PLA2G4D: variants seen among roughly 807,000 people sequenced by gnomAD.
The protein encoded by PLA2G4D is phospholipase A2 group IVD.
A neutral mutation model predicts 94.4 loss-of-function variants in PLA2G4D; 80 were observed. That is an observed-to-expected ratio of 0.85 (90% CI 0.71 to 1.02). PLA2G4D has a LOEUF of 1.02. Among genes scored for constraint, PLA2G4D ranks in the 50% least tolerant of loss-of-function variants. The pLI, the probability that PLA2G4D is intolerant of heterozygous loss-of-function variation, is 0.00. For synonymous variants in PLA2G4D, 438 were observed against 440.9 expected (o/e 0.99, Z 0.08); for missense variants, 1,050 against 1,034.7 (o/e 1.01, Z -0.20).
Position 42,083,457 on chromosome 15 carries a change from C to A in PLA2G4D, c.536-123G>T, listed in dbSNP as rs1398554657. On this transcript the variant is annotated intron_variant, in intron 7 of 19. Coordinates refer to ENST00000290472, the MANE Select transcript of PLA2G4D (RefSeq NM_178034.4). ...TGGGAGGCTGGGCCATCGTCAACAGCATTCTGAAAAGGGCCCTTCCCAGCC... is the reference window on the plus strand; with the variant it reads ...TGGGAGGCTGGGCCATCGTCAACAGAATTCTGAAAAGGGCCCTTCCCAGCC... The A allele has an allele frequency of 4.2e-6, 6 of 1,428,226 alleles. No individual in the cohort carries two copies. The Admixed American group carries it at 1.3e-4, about 31-fold the overall frequency. 88.5% of individuals were successfully genotyped at this position (1,428,226 alleles called of 1,614,324 possible).
Position 42,082,409 on chromosome 15 carries a change from C to CATTG in PLA2G4D, c.673-21_673-20insCAAT. 1.9e-6 allele frequency: 3 copies of CATTG among 1,541,900 alleles called. No homozygotes were observed. Among genetic ancestry groups the CATTG allele is most frequent in the Non-Finnish European group, 2.7e-6 (3 of 1,115,810 alleles). On this transcript the variant is annotated intron_variant, in intron 8 of 19. Transcript: ENST00000290472. ...GGAGCTCTGAAGGGAAAGCATCATT[C>CATTG]ATTCATTCATTCATTCATTCAACAA... is the stretch of plus-strand genomic sequence containing the variant.
At chr15:42,074,403 C>T (rs1036068888) in intron 13 of PLA2G4D, among the ~76,000 whole-genome samples, 7 of 152,094 alleles carry the variant, frequency 4.6e-5, no homozygotes, top group Non-Finnish European at 1.0e-4. Flanking sequence ...CAGCTCTTAA[C>T]TCAGGAAAGG....
Position 42,086,207 on chromosome 15 carries a change from A to T in PLA2G4D, c.387+6T>A. 4.5e-6 allele frequency: 1 copy of T among 220,602 alleles called. No individual in the cohort carries two copies. 13.7% of individuals were successfully genotyped at this position (220,602 alleles called of 1,614,324 possible). Reference sequence around the variant, plus strand: ...CCCACGGGGACTTCCCCACCCACCCACCCACCTGGGGACTCTGGGAGAAGG... The same window carrying T: ...CCCACGGGGACTTCCCCACCCACCCTCCCACCTGGGGACTCTGGGAGAAGG... On this transcript the variant is annotated splice_donor_region_variant and intron_variant, in intron 4 of 19. Transcript: ENST00000290472.
rs1276191715 is a variant in PLA2G4D at position 42,084,481 on chromosome 15, G to A, written c.471+615C>T. Among the ~76,000 whole-genome samples, 14 of 152,308 alleles carry A rather than the reference G, an allele frequency of 9.2e-5. No homozygotes were observed. The East Asian group carries it at 2.3e-3, about 25-fold the overall frequency. On this transcript the variant is annotated intron_variant, in intron 6 of 19. Coordinates refer to ENST00000290472, the MANE Select transcript of PLA2G4D (RefSeq NM_178034.4). This position sits in a 1 kb window ranked among gnomAD's most constrained non-coding sequence, Gnocchi z 4.8. ...TGCTGGGCTCTAGGTGCCTTCGCCC[G>A]TGACCCTGGACCCGCCTGCTCCCAG...
At position 42,069,952 on chromosome 15, in the gene PLA2G4D, G is replaced by T; in HGVS notation, c.2187C>A (p.His729Gln). The T allele has an allele frequency of 6.8e-7, 1 of 1,460,006 alleles. No individual in the cohort carries two copies. Among genetic ancestry groups the T allele is most frequent in the Non-Finnish European group, 9.0e-7 (1 of 1,109,144 alleles). 90.4% of individuals were successfully genotyped at this position (1,460,006 alleles called of 1,614,324 possible). Residue 729 changes from histidine to glutamine, a missense_variant, in exon 19 of 20, where the codon CAC becomes CAA. By Grantham distance (24) the His-to-Gln change is conservative. Transcript: ENST00000290472. ...PACPEAPILL[H>Q]FPLVNASFKD... ...TGAAGGAGGCATTGACCAGCGGGAA[G>T]TGCAGCAGGATCGGGGCCTCGGGGC...
intron 7 of PLA2G4D, 147 bp downstream of exon 7, chr15:42,083,569 G>T: frequency 9.0e-7 from 1 of 1,107,962 alleles, no homozygotes; most frequent in Non-Finnish European, 1.3e-6. Context: ...GCCCAGCGGA[G>T]ATGCGTGGCC....
intron 1 of PLA2G4D, among the ~76,000 whole-genome samples, chr15:42,093,556 G>A (rs540275211): frequency 9.2e-5 from 14 of 152,272 alleles, no homozygotes; most frequent in African/African-American, 2.4e-4. Flanking sequence ...CTCGTGGGTG[G>A]ATCCACCTGA....
At chr15:42,079,857 T>C in intron 12 of PLA2G4D, 98 bp from the exon 13 acceptor site, 1 of 1,193,380 alleles carries the variant, frequency 8.4e-7, no homozygotes, top group South Asian at 1.4e-5. Context: ...GACACGTGGC[T>C]CCTGCCACCA....
intron 6 of PLA2G4D, 129 bp from the exon 7 acceptor site, chr15:42,083,908 A>T: frequency 1.1e-6 from 1 of 902,258 alleles, no homozygotes; most frequent in Admixed American, 2.1e-5. Flanking sequence ...TCAGGATGGG[A>T]TTGGCTGCAG....
At chr15:42,091,937 C>T (rs534716539) in intron 1 of PLA2G4D, among the ~76,000 whole-genome samples, 76 of 152,334 alleles carry the variant, frequency 5.0e-4, no homozygotes, top group African/African-American at 1.8e-3. Context: ...TTGAAGATGA[C>T]TCACACTCTC....
In PLA2G4D at chr15:42,086,194, T is replaced by TCCTC; in HGVS notation, c.387+18_387+19insGAGG. The TCCTC allele has an allele frequency of 8.8e-6, 12 of 1,370,444 alleles. No homozygotes were observed. The highest frequency in any genetic ancestry group is 3.0e-5 in the South Asian group (2 of 66,866). 84.9% of individuals were successfully genotyped at this position (1,370,444 alleles called of 1,614,324 possible). A position where few individuals can be genotyped will look rare whatever the true frequency, so the allele number is the denominator to read the frequency against. ...GGAAGAAGTGGGGCCCACGGGGACT[T>TCCTC]CCCCACCCACCCACCCACCTGGGGA... On this transcript the variant is annotated intron_variant, in intron 4 of 19. Coordinates refer to ENST00000290472, the MANE Select transcript of PLA2G4D (RefSeq NM_178034.4).
In PLA2G4D at chr15:42,071,916, T is replaced by C. The variant is rs755967325; in HGVS notation, c.1436-5A>G. On this transcript the variant is annotated splice_polypyrimidine_tract_variant and splice_region_variant and intron_variant, in intron 14 of 19. Coordinates refer to ENST00000290472, the MANE Select transcript of PLA2G4D (RefSeq NM_178034.4). The stretch of plus-strand genomic sequence containing the variant: ...AGGGGGAGAACTCAACCCACTCTAA[T>C]GGGGTGGGAAGGAGAGGCAGGAGTG... 6.2e-6 allele frequency: 10 copies of C among 1,613,656 alleles called. No individual in the cohort carries two copies. The highest frequency in any genetic ancestry group is 3.3e-4 in the Middle Eastern group (2 of 6,058).
intron 13 of PLA2G4D, among the ~76,000 whole-genome samples, chr15:42,073,555 G>C (rs551732191): frequency 7.2e-5 from 11 of 152,320 alleles, no homozygotes; most frequent in Admixed American, 6.5e-4. Context: ...CCATGAATAC[G>C]TCATCCTTCC....
intron 1 of PLA2G4D, among the ~76,000 whole-genome samples, chr15:42,090,401 C>T (rs1193150403): frequency 6.6e-6 from 1 of 152,210 alleles, no homozygotes; most frequent in Non-Finnish European, 1.5e-5. Flanking sequence ...GGGCTGGGAA[C>T]GCATGAAAGA....
chr15:42,082,017 C>T (rs532640647), intron 9 of PLA2G4D, among the ~76,000 whole-genome samples, 183 bp from the exon 10 acceptor site: 54 of 151,406 alleles, frequency 3.6e-4, no homozygotes, highest in Admixed American at 9.2e-4. Context: ...ATGCAACCTC[C>T]GCCTCCTGGG....
At chr15:42,079,437 C>T in intron 13 of PLA2G4D, 100 bp downstream of exon 13, 3 of 1,185,364 alleles carry the variant, frequency 2.5e-6, no homozygotes, top group Non-Finnish European at 2.3e-6. Context: ...GGCTCTTCCA[C>T]GCTGCAAGAA....
At chr15:42,077,973 A>G (rs998408171) in intron 13 of PLA2G4D, among the ~76,000 whole-genome samples, 2 of 152,272 alleles carry the variant, frequency 1.3e-5, no homozygotes, top group African/African-American at 4.8e-5. Flanking sequence ...CAGTATCATG[A>G]CAGTTTACTC....
chr15:42,069,379 G>T (rs891805503), intron 19 of PLA2G4D, among the ~76,000 whole-genome samples: 2 of 152,194 alleles, frequency 1.3e-5, no homozygotes, highest in African/African-American at 2.4e-5. Context: ...GGGAGATCTA[G>T]AATGATGGTA....
In PLA2G4D at chr15:42,068,806, A is replaced by T. The variant is rs371234748; in HGVS notation, c.2366T>A (p.Val789Glu). 1 of 1,613,778 alleles carries T rather than the reference A, an allele frequency of 6.2e-7. No individual in the cohort carries two copies. Among genetic ancestry groups the T allele is most frequent in the Non-Finnish European group, 8.5e-7 (1 of 1,179,872 alleles). ...ERLLRLSDYN[V>E]QTSQGAILQA... ...CAGGATGGCACCCTGGCTGGTCTGC[A>T]CGTTGTAGTCACTGAGCCGCAGCAG... Residue 789 changes from valine to glutamate, a missense_variant, in exon 20 of 20, where the codon GTG becomes GAG. Val to Glu is a moderately radical substitution (Grantham distance 121). Coordinates refer to ENST00000290472, the MANE Select transcript of PLA2G4D (RefSeq NM_178034.4).
Sources: allele counts gnomAD v4.1 joint callset (sites outside exome capture counted in the v4.1 genomes callset), GRCh38; gene constraint gnomAD v4.1.1; non-coding constraint Gnocchi (gnomAD v3.1); transcripts MANE v1.5; gene names NCBI Gene and HGNC (gene_info 2026-07-23, HGNC 2026-07-21).